The following BFSP2 variants were observed in gnomAD, a reference collection of about 807,000 sequenced individuals.
BFSP2 encodes the protein phakinin.
A neutral mutation model predicts 44.9 loss-of-function variants in BFSP2; 38 were observed. The observed-to-expected ratio is 0.85, with a 90% CI of 0.65 to 1.11. The LOEUF (loss-of-function observed/expected upper bound fraction) is 1.11, where lower values mean the gene tolerates loss of function less well. BFSP2 is among the 50% of genes least tolerant of loss of function. The pLI, the probability that BFSP2 is intolerant of heterozygous loss-of-function variation, is 0.00. For missense variants in BFSP2, 525 were observed against 533.0 expected (o/e 0.99, Z 0.15); for synonymous variants, 197 against 209.9 (o/e 0.94, Z 0.53).
intron 1 of BFSP2, among the ~76,000 whole-genome samples, chr3:133,435,924 G>C (rs1467011207): frequency 1.3e-5 from 2 of 151,906 alleles, no homozygotes; most frequent in Non-Finnish European, 2.9e-5. Context: ...GTTTTCTCTT[G>C]CTTTAATTTT....
intron 5 of BFSP2, among the ~76,000 whole-genome samples, chr3:133,472,083 C>T (rs1024067221): frequency 6.6e-6 from 1 of 152,108 alleles, no homozygotes. Flanking sequence ...CTCCCTCTCT[C>T]CTTCTCTTTT....
chr3:133,414,669 T>G (rs1309451561), intron 1 of BFSP2, among the ~76,000 whole-genome samples: 1 of 47,360 alleles, frequency 2.1e-5, no homozygotes, highest in Non-Finnish European at 4.3e-5. Context: ...TCCCCTCTAC[T>G]CACTCCTCTA....
In BFSP2 at chr3:133,434,293, C is replaced by T. The variant is rs528098447; in HGVS notation, c.490-13024C>T. Reference sequence around the variant, plus strand: ...ATACAAAACCGTATCCAGGCCATCACCAATAATTCTACACGACAAATGTTT... The same window carrying T: ...ATACAAAACCGTATCCAGGCCATCATCAATAATTCTACACGACAAATGTTT... On this transcript the variant is annotated intron_variant, in intron 1 of 6. Transcript: ENST00000302334. Among the ~76,000 whole-genome samples the T allele has an allele frequency of 8.5e-5, 13 of 152,230 alleles. No homozygotes were observed. In the East Asian group the frequency reaches 2.5e-3, roughly 29 times the overall value.
Position 133,472,423 on chromosome 3 carries a change from G to C in BFSP2, c.1102G>C (p.Gly368Arg). ...GCTCCAGAACCTGGGCGCTGTGGTCGGCCGGCTGGAGGCGGAGCTCAGGGA... is the reference window on the plus strand; with the variant it reads ...GCTCCAGAACCTGGGCGCTGTGGTCCGCCGGCTGGAGGCGGAGCTCAGGGA... ...MELQNLGAVV[G>R]RLEAELREIR... Residue 368 changes from glycine to arginine, a missense_variant, in exon 6 of 7, where the codon GGC becomes CGC. Physicochemically the swap from Gly to Arg is moderately radical, Grantham distance 125 (BLOSUM62 -2). Coordinates refer to ENST00000302334, the MANE Select transcript of BFSP2 (RefSeq NM_003571.4). 1.2e-6 allele frequency: 2 copies of C among 1,614,152 alleles called. No homozygotes were observed. Among genetic ancestry groups the C allele is most frequent in the East Asian group, 2.2e-5 (1 of 44,882 alleles).
intron 1 of BFSP2, among the ~76,000 whole-genome samples, chr3:133,423,733 G>A (rs1182939437): frequency 6.6e-6 from 1 of 152,064 alleles, no homozygotes; most frequent in East Asian, 1.9e-4. Context: ...CCTCTGACCT[G>A]GTTCTCTTGG....
chr3:133,465,921 GAGAA>G (rs1431996663), intron 4 of BFSP2, among the ~76,000 whole-genome samples: 5 of 152,166 alleles, frequency 3.3e-5, no homozygotes, highest in African/African-American at 7.2e-5. Context: ...GTTTGTAATA[GAGAA>G]AGAAAGACTA....
intron 3 of BFSP2, 34 bp from the exon 4 acceptor site, chr3:133,450,269 G>A (rs749009723): frequency 1.2e-4 from 199 of 1,612,460 alleles, no homozygotes; most frequent in Admixed American, 3.5e-4. Flanking sequence ...ATTTCCCCCC[G>A]TAACTCATCT....
intron 4 of BFSP2, among the ~76,000 whole-genome samples, chr3:133,451,240 C>G (rs2073962453): frequency 6.6e-6 from 1 of 151,672 alleles, no homozygotes; most frequent in East Asian, 1.9e-4. Flanking sequence ...CCACAACCTA[C>G]CTATGTGCAG....
At chr3:133,431,856 TC>T (rs2073724229) in intron 1 of BFSP2, among the ~76,000 whole-genome samples, 1 of 152,084 alleles carries the variant, frequency 6.6e-6, no homozygotes, top group Non-Finnish European at 1.5e-5. Flanking sequence ...TTTTTAGTTA[TC>T]CCCACCTGCC....
rs1038467164 is a variant in BFSP2, at chr3:133,475,109, C to G, written c.*137C>G. On this transcript the variant is annotated 3_prime_UTR_variant, in exon 7 of 7. Transcript: ENST00000302334. ...AATTCAGCTTGAGCTGAAAAGCTTC[C>G]TGGAAGTGGAGAGGATCCTTCTGCT... The G allele has an allele frequency of 1.4e-5, 17 of 1,258,340 alleles. No homozygotes were observed. In the African/African-American group the frequency reaches 2.4e-4, roughly 18 times the overall value. 77.9% of individuals were successfully genotyped at this position (1,258,340 alleles called of 1,614,324 possible). A position where few individuals can be genotyped will look rare whatever the true frequency, so the allele number is the denominator to read the frequency against.
intron 1 of BFSP2, among the ~76,000 whole-genome samples, chr3:133,436,796 C>T (rs1559969434): frequency 6.6e-6 from 1 of 152,184 alleles, no homozygotes; most frequent in Non-Finnish European, 1.5e-5. Context: ...TGATGTTCCC[C>T]ATCCTGTGTC....
At chr3:133,431,715 C>T (rs1042147008) in intron 1 of BFSP2, among the ~76,000 whole-genome samples, 2 of 152,122 alleles carry the variant, frequency 1.3e-5, no homozygotes, top group African/African-American at 4.8e-5. Context: ...ACCCACTCCA[C>T]ATTACCTTCT....
chr3:133,403,994 G>T (rs1027144571), intron 1 of BFSP2, among the ~76,000 whole-genome samples: 3 of 83,322 alleles, frequency 3.6e-5, no homozygotes, highest in African/African-American at 6.8e-5. Flanking sequence ...TCCTGGGGAG[G>T]GGGGAATCTT....
chr3:133,465,558 G>T (rs1039549638), intron 4 of BFSP2, among the ~76,000 whole-genome samples: 8 of 152,124 alleles, frequency 5.3e-5, no homozygotes, highest in African/African-American at 1.9e-4. Flanking sequence ...TGAATATATG[G>T]GGAGGGATCA....
intron 3 of BFSP2, among the ~76,000 whole-genome samples, chr3:133,450,069 A>AAAGGAAGG (rs202059180): frequency 6.8e-6 from 1 of 147,728 alleles, no homozygotes. Context: ...AGAGAGAAGG[A>AAAGGAAGG]AAGGAAGGAA....
intron 6 of BFSP2, 122 bp downstream of exon 6, chr3:133,472,687 G>A: frequency 8.3e-7 from 1 of 1,199,940 alleles, no homozygotes; most frequent in Non-Finnish European, 1.2e-6. Context: ...TCTCACATAG[G>A]CACCCATTCC....
rs1419974187 is a variant in BFSP2, at chr3:133,475,158, G to T, written c.*186G>T. On this transcript the variant is annotated 3_prime_UTR_variant, in exon 7 of 7. Coordinates refer to ENST00000302334, the MANE Select transcript of BFSP2 (RefSeq NM_003571.4). ...CTTTAATCTGAGTAGTCTGTAGCTTGAGCAATCTCCCTTGTCCTCCTTCAA... is the reference window on the plus strand; with the variant it reads ...CTTTAATCTGAGTAGTCTGTAGCTTTAGCAATCTCCCTTGTCCTCCTTCAA... 3 of 789,796 alleles carry T rather than the reference G, an allele frequency of 3.8e-6. No individual in the cohort carries two copies. Among genetic ancestry groups the T allele is most frequent in the Non-Finnish European group, 6.3e-6 (3 of 475,844 alleles). The allele number at this position is 789,796 out of a possible 1,614,324, so 48.9% of individuals were successfully genotyped here.
At chr3:133,452,604 A>T (rs1183400740) in intron 4 of BFSP2, among the ~76,000 whole-genome samples, 2 of 152,146 alleles carry the variant, frequency 1.3e-5, no homozygotes, top group African/African-American at 4.8e-5. Context: ...CCATTCCCTA[A>T]TTTTAGGTGT....
At chr3:133,426,615 G>A (rs576672469) in intron 1 of BFSP2, among the ~76,000 whole-genome samples, 13 of 152,308 alleles carry the variant, frequency 8.5e-5, no homozygotes, top group Admixed American at 3.9e-4. Context: ...TGGGGCCTGG[G>A]ACAAGCCATC....
Sources: allele counts gnomAD v4.1 joint callset (sites outside exome capture counted in the v4.1 genomes callset), GRCh38; gene constraint gnomAD v4.1.1; transcripts MANE v1.5; gene names NCBI Gene and HGNC (gene_info 2026-07-23, HGNC 2026-07-21).